The following HECW2 variants were observed in gnomAD, a reference collection of about 807,000 sequenced individuals.
HECW2 encodes the protein E3 ubiquitin-protein ligase HECW2.
HECW2 carries 61 observed loss-of-function variants against 175.2 expected under a neutral mutation model. That is an observed-to-expected ratio of 0.35 (90% CI 0.28 to 0.43). The LOEUF (loss-of-function observed/expected upper bound fraction) is 0.43. Ranked by LOEUF, HECW2 falls within the 20% of genes least tolerant of loss-of-function variation. The pLI is 1.00. For missense variants in HECW2, 1,524 were observed against 2,000.5 expected (o/e 0.76, Z 4.54); for synonymous variants, 671 against 731.0 (o/e 0.92, Z 1.32).
At chr2:196,362,249 C>T (rs1361552865) in intron 2 of HECW2, 6 of 953,824 alleles carry the variant, frequency 6.3e-6, no homozygotes, top group Non-Finnish European at 5.0e-6. Flanking sequence ...AGGATGCAAT[C>T]GCCCCATCCT....
intron 1 of HECW2, among the ~76,000 whole-genome samples, chr2:196,462,908 T>G (rs761472436): frequency 6.6e-6 from 1 of 152,182 alleles, no homozygotes; most frequent in Non-Finnish European, 1.5e-5. Flanking sequence ...CACTTATTCA[T>G]TATCCCCTGG....
intron 1 of HECW2, among the ~76,000 whole-genome samples, chr2:196,539,758 A>G (rs753679096): frequency 3.2e-4 from 48 of 152,228 alleles, no homozygotes; most frequent in Non-Finnish European, 6.0e-4. Flanking sequence ...TATTTTGTTT[A>G]TTAGTCCTTG....
chr2:196,464,991 G>A (rs1021260816), intron 1 of HECW2, among the ~76,000 whole-genome samples: 1 of 152,102 alleles, frequency 6.6e-6, no homozygotes, highest in Non-Finnish European at 1.5e-5. Context: ...AGCCGAAATC[G>A]CGCCACTGCA....
At chr2:196,503,643 G>A (rs1167243337) in intron 1 of HECW2, among the ~76,000 whole-genome samples, 2 of 152,070 alleles carry the variant, frequency 1.3e-5, no homozygotes, top group African/African-American at 4.8e-5. Context: ...GGCAGGGAGT[G>A]GTGTCTCCCC....
At chr2:196,430,786 G>A (rs1215327387) in intron 2 of HECW2, among the ~76,000 whole-genome samples, 2 of 151,996 alleles carry the variant, frequency 1.3e-5, no homozygotes, top group African/African-American at 4.8e-5. Flanking sequence ...CGAGAGCCTC[G>A]GGGCCTTGCA....
At chr2:196,518,598 C>A (rs1251711652) in intron 1 of HECW2, among the ~76,000 whole-genome samples, 4 of 140,996 alleles carry the variant, frequency 2.8e-5, no homozygotes, top group Middle Eastern at 4.0e-3. Flanking sequence ...GAGGTTGCAG[C>A]GAGCTGAGAT....
intron 28 of HECW2, among the ~76,000 whole-genome samples, chr2:196,206,572 G>T (rs186505553): frequency 3.3e-4 from 50 of 152,124 alleles, no homozygotes; most frequent in Non-Finnish European, 4.7e-4. Context: ...TCCTTCACTC[G>T]CTGAATAAGT....
intron 1 of HECW2, among the ~76,000 whole-genome samples, chr2:196,491,577 C>G (rs1687199928): frequency 6.6e-6 from 1 of 150,396 alleles, no homozygotes; most frequent in East Asian, 1.9e-4. Flanking sequence ...AATATATACA[C>G]ATAGATATGT....
intron 14 of HECW2, among the ~76,000 whole-genome samples, chr2:196,284,458 C>T (rs1469339451): frequency 6.6e-6 from 1 of 152,236 alleles, no homozygotes; most frequent in African/African-American, 2.4e-5. Flanking sequence ...TATAGCACTT[C>T]TAAGGAGCAA....
intron 1 of HECW2, chr2:196,592,333 G>C (rs1263953336): frequency 6.6e-6 from 1 of 152,280 alleles, no homozygotes; most frequent in East Asian, 1.9e-4. Context: ...TGAGCTCTCT[G>C]TACTGACTCC....
intron 19 of HECW2, among the ~76,000 whole-genome samples, chr2:196,244,479 G>C (rs1024075744): frequency 6.6e-6 from 1 of 152,114 alleles, no homozygotes; most frequent in African/African-American, 2.4e-5. Flanking sequence ...GGGATCCAGC[G>C]GGCAGCTGCA....
chr2:196,268,731 A>G (rs1360338469), intron 17 of HECW2, among the ~76,000 whole-genome samples: 3 of 152,200 alleles, frequency 2.0e-5, no homozygotes, highest in Non-Finnish European at 4.4e-5. Flanking sequence ...AGAGGAACAG[A>G]TATTAACTAG....
At chr2:196,377,077 T>G (rs1694072536) in intron 2 of HECW2, among the ~76,000 whole-genome samples, 1 of 152,226 alleles carries the variant, frequency 6.6e-6, no homozygotes, top group South Asian at 2.1e-4. Context: ...CAAGGAAATT[T>G]TAATAACATT....
intron 1 of HECW2, among the ~76,000 whole-genome samples, chr2:196,434,773 G>A (rs539254618): frequency 6.6e-6 from 1 of 152,010 alleles, no homozygotes; most frequent in African/African-American, 2.4e-5. Context: ...AACCCTATTG[G>A]GTCCTGGGAA....
intron 2 of HECW2, among the ~76,000 whole-genome samples, chr2:196,426,575 T>C (rs1695553406): frequency 6.6e-6 from 1 of 152,124 alleles, no homozygotes; most frequent in Non-Finnish European, 1.5e-5. Context: ...TCTGGTCCTT[T>C]GTCAATTAGA....
At chr2:196,588,627 C>T (rs1311159934) in intron 1 of HECW2, among the ~76,000 whole-genome samples, 3 of 152,176 alleles carry the variant, frequency 2.0e-5, no homozygotes, top group East Asian at 1.9e-4. Flanking sequence ...TCCATAGATA[C>T]ATTATCAATG....
intron 2 of HECW2, among the ~76,000 whole-genome samples, chr2:196,371,668 T>C (rs1201326993): frequency 1.3e-5 from 2 of 152,242 alleles, no homozygotes; most frequent in East Asian, 3.8e-4. Flanking sequence ...TTTTATTCCA[T>C]TTCTTTTTCT....
intron 1 of HECW2, among the ~76,000 whole-genome samples, chr2:196,461,809 T>A (rs911970362): frequency 6.6e-6 from 1 of 152,106 alleles, no homozygotes; most frequent in African/African-American, 2.4e-5. Context: ...ACCATCCCCA[T>A]GATTCAACCA....
At chr2:196,261,380 T>G (rs1324385159) in intron 17 of HECW2, among the ~76,000 whole-genome samples, 1 of 152,212 alleles carries the variant, frequency 6.6e-6, no homozygotes, top group Non-Finnish European at 1.5e-5. Context: ...GGTGGTAGAA[T>G]CCACTCATCC....
Sources: gnomAD v4.1 joint callset for allele counts (sites outside exome capture counted in the v4.1 genomes callset) on GRCh38, gnomAD v4.1.1 for gene constraint, MANE v1.5 for transcripts, NCBI Gene and HGNC (gene_info 2026-07-23, HGNC 2026-07-21) for gene names.